Variants in PRKCE observed in about 807,000 individuals in gnomAD.
PRKCE encodes protein kinase C epsilon type.
Under a neutral mutation model 85.4 loss-of-function variants are expected in PRKCE, and 16 were observed. That is an observed-to-expected ratio of 0.19 (90% CI 0.13 to 0.28). PRKCE has a LOEUF of 0.28. PRKCE is among the 10% of genes least tolerant of loss of function. The pLI, the probability that PRKCE is intolerant of heterozygous loss-of-function variation, is 1.00. For synonymous variants in PRKCE, 388 were observed against 371.5 expected, an observed-to-expected ratio of 1.04 and a Z score of -0.51; for missense variants, 573 against 975.2, an observed-to-expected ratio of 0.59 and a Z score of 5.49.
intron 1 of PRKCE, among the ~76,000 whole-genome samples, chr2:45,813,437 T>C (rs1237956248): frequency 6.6e-6 from 1 of 152,206 alleles, no homozygotes; most frequent in Non-Finnish European, 1.5e-5. Flanking sequence ...GGCTTATTCC[T>C]GAGCAGAGAG....
chr2:46,081,880 G>A (rs554786681), intron 10 of PRKCE, among the ~76,000 whole-genome samples: 1 of 152,174 alleles, frequency 6.6e-6, no homozygotes, highest in Non-Finnish European at 1.5e-5. Context: ...TGGATCACTT[G>A]AAGTCAGGAG....
chr2:45,893,349 TTTTC>T (rs1695878677), intron 2 of PRKCE, among the ~76,000 whole-genome samples: 1 of 86,830 alleles, frequency 1.2e-5, no homozygotes, highest in East Asian at 2.4e-3. Flanking sequence ...TTTTCTTTTC[TTTTC>T]TTTTTTTTTT....
chr2:45,682,107 CTT>C (rs1676951364), intron 1 of PRKCE, among the ~76,000 whole-genome samples: 1 of 152,068 alleles, frequency 6.6e-6, no homozygotes. Flanking sequence ...CATAAATGAA[CTT>C]ATTAAATTTT....
chr2:45,760,900 C>A (rs1405425024), intron 1 of PRKCE, among the ~76,000 whole-genome samples: 1 of 152,180 alleles, frequency 6.6e-6, no homozygotes, highest in Non-Finnish European at 1.5e-5. Context: ...GAGTCCAGAG[C>A]TGACCTTGTC....
At position 46,124,227 on chromosome 2, in the gene PRKCE, C is replaced by T. The variant is rs190473253; in HGVS notation, c.1593-20866C>T. 5.4e-3 allele frequency among the ~76,000 whole-genome samples: 819 copies of T among 152,032 alleles called. 42 individuals are homozygous for T. In the South Asian group the frequency reaches 0.11, roughly 21 times the overall value. On this transcript the variant is annotated intron_variant, in intron 11 of 14. Coordinates refer to ENST00000306156, the MANE Select transcript of PRKCE (RefSeq NM_005400.3). ...GTAATCCCAGATACTTGGGAGGCTG[C>T]GGCAGGAGAATCACTTGAACCCAGG... is the stretch of plus-strand genomic sequence containing the variant.
At chr2:46,071,104 C>A (rs568543289) in intron 10 of PRKCE, among the ~76,000 whole-genome samples, 1 of 152,342 alleles carries the variant, frequency 6.6e-6, no homozygotes, top group African/African-American at 2.4e-5. Flanking sequence ...GGCTTTCCTG[C>A]ACCCAGAAAA....
chr2:45,770,215 G>T (rs561838172), intron 1 of PRKCE, among the ~76,000 whole-genome samples: 1 of 152,328 alleles, frequency 6.6e-6, no homozygotes, highest in South Asian at 2.1e-4. Context: ...TGTCCGGGGA[G>T]TTGCTGCTCT....
rs1677511168 is a variant in PRKCE, at chr2:46,159,195, C to T, written c.1921-411C>T. ...CCATGTAAATGAGTTTATCAGACCT[C>T]AGTCTCCCTGATGAGAAGACCTGAG... On this transcript the variant is annotated intron_variant, in intron 13 of 14. Coordinates refer to ENST00000306156, the MANE Select transcript of PRKCE (RefSeq NM_005400.3). The surrounding 1 kb of genome is among the most constrained non-coding windows in gnomAD (Gnocchi z 4.1). 6.6e-6 allele frequency among the ~76,000 whole-genome samples: 1 copy of T among 152,190 alleles called. No individual in the cohort carries two copies. Among genetic ancestry groups the T allele is most frequent in the Non-Finnish European group, 1.5e-5 (1 of 68,038 alleles).
chr2:45,833,619 C>G (rs13002138), intron 1 of PRKCE, among the ~76,000 whole-genome samples: 12,246 of 152,244 alleles, frequency 0.08, 655 homozygotes, highest in Middle Eastern at 0.21. Context: ...TTTAAACAGG[C>G]AGAACTGGGA....
intron 1 of PRKCE, among the ~76,000 whole-genome samples, chr2:45,768,981 A>G (rs936317958): frequency 3.3e-5 from 5 of 152,186 alleles, no homozygotes; most frequent in Non-Finnish European, 7.3e-5. Flanking sequence ...TGACATGTTC[A>G]CCTCCTCAAA....
rs755892491 is a variant in PRKCE at position 46,185,077 on chromosome 2, G to A, written c.*196G>A. The A allele has an allele frequency of 1.7e-5, 11 of 666,088 alleles. No individual in the cohort carries two copies. The highest frequency in any genetic ancestry group is 4.2e-4 in the Middle Eastern group (1 of 2,372). The allele number at this position is 666,088 out of a possible 1,614,324, so 41.3% of individuals were successfully genotyped here. A position where few individuals can be genotyped will look rare whatever the true frequency, so the allele number is the denominator to read the frequency against. ...CACCTGGTGACCAGAAGGCGCTCTC[G>A]GTTCTTGTCTCACCAGTAATGCAGA... On this transcript the variant is annotated 3_prime_UTR_variant, in exon 15 of 15. Coordinates refer to ENST00000306156, the MANE Select transcript of PRKCE (RefSeq NM_005400.3). The surrounding 1 kb of genome is among the most constrained non-coding windows in gnomAD (Gnocchi z 4.7).
At position 45,952,396 on chromosome 2, in the gene PRKCE, A is replaced by C. The variant is rs939737645; in HGVS notation, c.413-24033A>C. 8.5e-5 allele frequency among the ~76,000 whole-genome samples: 13 copies of C among 152,320 alleles called. No homozygotes were observed. In the Middle Eastern group the frequency reaches 0.017, roughly 199 times the overall value. Reference sequence around the variant, plus strand: ...GTTCTCTCTCTCTCATGGGCTTAACACACAGAAGCACCCTGAATTTTAAAC... The same window carrying C: ...GTTCTCTCTCTCTCATGGGCTTAACCCACAGAAGCACCCTGAATTTTAAAC... On this transcript the variant is annotated intron_variant, in intron 2 of 14. Coordinates refer to ENST00000306156, the MANE Select transcript of PRKCE (RefSeq NM_005400.3).
At chr2:46,010,549 G>A in intron 10 of PRKCE, 32 bp downstream of exon 10, 1 of 1,598,196 alleles carries the variant, frequency 6.3e-7, no homozygotes, top group Non-Finnish European at 8.5e-7. Flanking sequence ...TGGCTGCCAT[G>A]TTGGGGCATC....
In PRKCE at chr2:46,001,298, A is replaced by G. The variant is rs1558942537; in HGVS notation, c.824-106A>G. ...TTCTGTATTTTCCAAATTATATCTT[A>G]AATGAACATGTAATACTTCATGAAC... On this transcript the variant is annotated intron_variant, in intron 6 of 14. Coordinates refer to ENST00000306156, the MANE Select transcript of PRKCE (RefSeq NM_005400.3). This position sits in a 1 kb window ranked among gnomAD's most constrained non-coding sequence, Gnocchi z 4.4. The G allele has an allele frequency of 2.0e-6, 2 of 1,015,228 alleles. No homozygotes were observed. Among genetic ancestry groups the G allele is most frequent in the Non-Finnish European group, 2.6e-6 (2 of 765,934 alleles). 62.9% of individuals were successfully genotyped at this position (1,015,228 alleles called of 1,614,324 possible).
chr2:45,914,436 T>C (rs1166291016), intron 2 of PRKCE, among the ~76,000 whole-genome samples: 1 of 152,206 alleles, frequency 6.6e-6, no homozygotes, highest in Admixed American at 6.5e-5. Context: ...AGGAGTGTTC[T>C]GTGCTGTAGA....
At chr2:46,061,484 C>G (rs769039379) in intron 10 of PRKCE, among the ~76,000 whole-genome samples, 4 of 152,150 alleles carry the variant, frequency 2.6e-5, no homozygotes, top group Non-Finnish European at 5.9e-5. Flanking sequence ...GAGAGAAGAA[C>G]CATTTCTCTC....
intron 2 of PRKCE, among the ~76,000 whole-genome samples, chr2:45,970,800 C>T (rs1336306486): frequency 2.6e-5 from 4 of 151,474 alleles, no homozygotes; most frequent in African/African-American, 7.3e-5. Flanking sequence ...AGTGAAGTGT[C>T]ACTACGTCTA....
At chr2:45,958,810 ATATATATTTTTTTTTTTTTTTTTTTTT>A (rs1472259941) in intron 2 of PRKCE, among the ~76,000 whole-genome samples, 1 of 24,006 alleles carries the variant, frequency 4.2e-5, no homozygotes, top group African/African-American at 1.9e-4. Context: ...ATATATATAT[ATATATATTTTTTTTTTTTTTTTTTTTT>A]TTTTTTTTTT....
At chr2:45,701,921 G>A (rs1678675458) in intron 1 of PRKCE, among the ~76,000 whole-genome samples, 1 of 152,134 alleles carries the variant, frequency 6.6e-6, no homozygotes, top group African/African-American at 2.4e-5. Flanking sequence ...GGCCAGGCGC[G>A]GTGGCTCACA....
Sources: gnomAD v4.1 joint callset for allele counts (sites outside exome capture counted in the v4.1 genomes callset) on GRCh38, gnomAD v4.1.1 for gene constraint, Gnocchi (gnomAD v3.1) non-coding constraint, MANE v1.5 for transcripts, NCBI Gene and HGNC (gene_info 2026-07-23, HGNC 2026-07-21) for gene names.